Variants in DGKB observed in about 807,000 individuals in gnomAD.
DGKB encodes 90 kDa diacylglycerol kinase.
A neutral mutation model predicts 114.3 loss-of-function variants in DGKB; 67 were observed. The ratio of observed to expected loss-of-function variants is 0.59; its 90% CI spans 0.48 to 0.72. The LOEUF is 0.72. DGKB is among the 30% of genes least tolerant of loss of function. The pLI is 0.00. For missense variants in DGKB, 907 were observed against 975.2 expected (o/e 0.93, Z 0.93); for synonymous variants, 398 against 323.1 (o/e 1.23, Z -2.49).
intron 13 of DGKB, among the ~76,000 whole-genome samples, chr7:14,636,338 C>T (rs751319395): frequency 4.0e-5 from 6 of 151,742 alleles, no homozygotes; most frequent in East Asian, 1.9e-4. Context: ...CCTCTAAATG[C>T]GCCCTCATTA....
intron 23 of DGKB, among the ~76,000 whole-genome samples, chr7:14,181,439 T>G (rs1230424841): frequency 2.0e-5 from 3 of 152,044 alleles, no homozygotes; most frequent in Non-Finnish European, 4.4e-5. Context: ...CACCAGGGAG[T>G]CTCACCACAC....
At chr7:14,256,917 G>A (rs1482915109) in intron 23 of DGKB, among the ~76,000 whole-genome samples, 5 of 152,074 alleles carry the variant, frequency 3.3e-5, no homozygotes, top group Admixed American at 3.3e-4. Context: ...TGTAATCCTG[G>A]TACTTTGGGA....
chr7:14,892,718 G>A (rs546270923), intron 1 of DGKB, among the ~76,000 whole-genome samples: 1 of 151,138 alleles, frequency 6.6e-6, no homozygotes, highest in African/African-American at 2.4e-5. Context: ...AAACTCTACA[G>A]AGAAAATTTA....
At chr7:14,222,115 AC>A (rs2128324818) in intron 23 of DGKB, among the ~76,000 whole-genome samples, 1 of 150,592 alleles carries the variant, frequency 6.6e-6, no homozygotes, top group South Asian at 2.1e-4. Flanking sequence ...GGCTTCACTG[AC>A]TTTTTATATT....
chr7:14,693,379 T>C (rs1435046079), intron 9 of DGKB, among the ~76,000 whole-genome samples: 1 of 151,996 alleles, frequency 6.6e-6, no homozygotes, highest in Non-Finnish European at 1.5e-5. Flanking sequence ...GTCAGCAAGA[T>C]TTGCTTTCAA....
intron 20 of DGKB, among the ~76,000 whole-genome samples, chr7:14,562,545 C>A (rs1245216506): frequency 2.6e-5 from 4 of 152,186 alleles, no homozygotes; most frequent in Non-Finnish European, 4.4e-5. Flanking sequence ...GTGGAGCTGT[C>A]CAAGGCCATG....
intron 2 of DGKB, among the ~76,000 whole-genome samples, chr7:14,804,411 C>G (rs1842554407): frequency 6.6e-6 from 1 of 151,900 alleles, no homozygotes; most frequent in Admixed American, 6.6e-5. Context: ...ATATTTTTAT[C>G]TATTTCTCCA....
chr7:14,891,278 C>T (rs1156783421), intron 1 of DGKB, among the ~76,000 whole-genome samples: 7 of 151,458 alleles, frequency 4.6e-5, no homozygotes, highest in Non-Finnish European at 8.9e-5. Context: ...GTAGACAAAA[C>T]GATAAAAACA....
chr7:14,261,573 A>T (rs1299785613), intron 23 of DGKB, among the ~76,000 whole-genome samples: 1 of 152,136 alleles, frequency 6.6e-6, no homozygotes, highest in African/African-American at 2.4e-5. Flanking sequence ...TAGGGGAAAA[A>T]CTAGATATTA....
At chr7:14,892,165 A>G (rs1006969296) in intron 1 of DGKB, among the ~76,000 whole-genome samples, 3 of 151,406 alleles carry the variant, frequency 2.0e-5, no homozygotes, top group African/African-American at 7.3e-5. Flanking sequence ...TGGGAGGAAG[A>G]GAGAGCAATG....
At chr7:14,740,802 C>T (rs540081449) in intron 4 of DGKB, among the ~76,000 whole-genome samples, 2 of 152,218 alleles carry the variant, frequency 1.3e-5, no homozygotes, top group East Asian at 3.9e-4. Flanking sequence ...ACCCCCTAGG[C>T]CCAACTGTTA....
chr7:14,701,669 G>A lies in DGKB; in HGVS notation c.516+12C>T. The A allele has an allele frequency of 6.3e-7, 1 of 1,597,980 alleles. No homozygotes were observed. The highest frequency in any genetic ancestry group is 8.6e-7 in the Non-Finnish European group (1 of 1,166,628). On this transcript the variant is annotated intron_variant, in intron 7 of 25. Coordinates refer to ENST00000402815, the MANE Select transcript of DGKB (RefSeq NM_001350709.2). ...TTGAAGTTTTCACAGAAACTTTGAA[G>A]AAAAAAATTACCGAGCTGTCCAGGA... is the stretch of plus-strand genomic sequence containing the variant.
At chr7:14,538,063 C>T (rs1479872266) in intron 20 of DGKB, among the ~76,000 whole-genome samples, 1 of 86,896 alleles carries the variant, frequency 1.2e-5, no homozygotes, top group Non-Finnish European at 2.1e-5. Context: ...CCAGTCTGGG[C>T]AACAAGAGCA....
At chr7:14,676,897 T>G (rs536555399) in intron 12 of DGKB, among the ~76,000 whole-genome samples, 1 of 152,196 alleles carries the variant, frequency 6.6e-6, no homozygotes, top group African/African-American at 2.4e-5. Context: ...TTCAGTTATC[T>G]TTGTATTTTT....
chr7:14,833,502 G>T (rs1262265021), intron 2 of DGKB, among the ~76,000 whole-genome samples: 1 of 152,056 alleles, frequency 6.6e-6, no homozygotes, highest in East Asian at 1.9e-4. Context: ...CCAGGATTTG[G>T]ATTTTAACAT....
intron 2 of DGKB, among the ~76,000 whole-genome samples, chr7:14,794,572 C>T (rs79544889): frequency 0.062 from 9,415 of 152,204 alleles, 382 homozygotes; most frequent in South Asian, 0.09. Context: ...GACTTAGGAG[C>T]TTCCATGTAT....
At chr7:14,454,294 A>G (rs1831957736) in intron 21 of DGKB, among the ~76,000 whole-genome samples, 1 of 152,104 alleles carries the variant, frequency 6.6e-6, no homozygotes, top group Non-Finnish European at 1.5e-5. Context: ...ATTTGAAAAT[A>G]CTTCCCTATT....
At chr7:14,922,672 T>C (rs1784567227) in intron 1 of DGKB, among the ~76,000 whole-genome samples, 1 of 152,146 alleles carries the variant, frequency 6.6e-6, no homozygotes, top group African/African-American at 2.4e-5. Context: ...TATTGTTACC[T>C]GAATTTTTAT....
intron 20 of DGKB, among the ~76,000 whole-genome samples, chr7:14,552,902 C>T (rs73057471): frequency 0.031 from 4,715 of 152,176 alleles, 110 homozygotes; most frequent in Middle Eastern, 0.061. Context: ...TGTTATGGAC[C>T]GGGAAAGCCA....
Sources: allele counts gnomAD v4.1 joint callset (sites outside exome capture counted in the v4.1 genomes callset), GRCh38; gene constraint gnomAD v4.1.1; transcripts MANE v1.5; gene names NCBI Gene and HGNC (gene_info 2026-07-23, HGNC 2026-07-21).